Variants in ENOX2 observed in about 807,000 individuals in gnomAD.
The protein encoded by ENOX2 is ecto-NOX disulfide-thiol exchanger 2.
Under a neutral mutation model 45.0 loss-of-function variants are expected in ENOX2, and 36 were observed. The observed-to-expected ratio is 0.80, with a 90% CI of 0.61 to 1.06. The LOEUF is 1.06. ENOX2 is among the 50% of genes least tolerant of loss of function. The probability of loss-of-function intolerance (pLI) is 0.00; values close to 1 mark genes in which losing one functional copy is unlikely to be tolerated. For synonymous variants in ENOX2, 174 were observed against 152.3 expected, an observed-to-expected ratio of 1.14 and a Z score of -1.05; for missense variants, 423 against 462.5, an observed-to-expected ratio of 0.91 and a Z score of 0.78.
At chrX:130,671,006 G>A (rs770332977) in intron 6 of ENOX2, among the ~76,000 whole-genome samples, 22 of 111,482 alleles carry the variant, frequency 2.0e-4, no homozygotes, top group Non-Finnish European at 3.9e-4. Flanking sequence ...GCACAAGCTT[G>A]CAGGGTAGAA....
chrX:130,777,756 T>C (rs1225878805), intron 3 of ENOX2, among the ~76,000 whole-genome samples: 1 of 111,805 alleles, frequency 8.9e-6, no homozygotes, highest in Non-Finnish European at 1.9e-5. Context: ...TGCCCTCCCC[T>C]GGACAGTCCT....
chrX:130,801,832 C>CCATT (rs1387451002), intron 2 of ENOX2, among the ~76,000 whole-genome samples: 1 of 111,219 alleles, frequency 9.0e-6, no homozygotes, highest in Non-Finnish European at 1.9e-5. Context: ...ATCTCTCTAC[C>CCATT]CATTCATTCA....
chrX:130,848,245 A>G (rs2078147034), intron 2 of ENOX2, among the ~76,000 whole-genome samples: 2 of 111,539 alleles, frequency 1.8e-5, no homozygotes, highest in Non-Finnish European at 3.8e-5. Context: ...AAAAGATTGA[A>G]TTACAGATTC....
chrX:130,820,218 T>C (rs147348002), intron 2 of ENOX2, among the ~76,000 whole-genome samples: 1,624 of 112,364 alleles, frequency 0.014, 14 homozygotes, highest in Non-Finnish European at 0.02. Context: ...AGATGCTCAA[T>C]GTTACTAATT....
chrX:130,860,691 C>G (rs1477057401), intron 2 of ENOX2, among the ~76,000 whole-genome samples: 1 of 111,452 alleles, frequency 9.0e-6, no homozygotes, highest in Non-Finnish European at 1.9e-5. Flanking sequence ...TGAACAGTTT[C>G]CACCCTGCTT....
chrX:130,774,815 C>T (rs1209977561), intron 3 of ENOX2, among the ~76,000 whole-genome samples: 3 of 112,213 alleles, frequency 2.7e-5, no homozygotes, highest in Non-Finnish European at 5.6e-5. Context: ...ATAAATGTAA[C>T]ACATGTGTAC....
chrX:130,848,832 C>CA (rs1048909973), intron 2 of ENOX2, among the ~76,000 whole-genome samples: 35 of 108,645 alleles, frequency 3.2e-4, no homozygotes, highest in East Asian at 1.7e-3. Context: ...AAAAAAAAAC[C>CA]AAAAAAAAAC....
chrX:130,860,324 C>T (rs1470855876), intron 2 of ENOX2, among the ~76,000 whole-genome samples: 1 of 111,862 alleles, frequency 8.9e-6, no homozygotes, highest in African/African-American at 3.3e-5. Context: ...TGTCTTCACT[C>T]CCACGGATTT....
intron 4 of ENOX2, among the ~76,000 whole-genome samples, chrX:130,698,597 G>A (rs2037822371): frequency 9.0e-6 from 1 of 111,677 alleles, no homozygotes; most frequent in African/African-American, 3.2e-5. Context: ...CCTTTCTCAG[G>A]ATTGCAACTT....
chrX:130,813,705 G>C (rs2077430967), intron 2 of ENOX2, among the ~76,000 whole-genome samples: 1 of 111,723 alleles, frequency 9.0e-6, no homozygotes, highest in Admixed American at 9.4e-5. Flanking sequence ...CCATAAAACG[G>C]TGAATTCCGA....
chrX:130,638,072 T>TTC (rs2035978968), intron 10 of ENOX2, among the ~76,000 whole-genome samples: 1 of 107,524 alleles, frequency 9.3e-6, no homozygotes, highest in African/African-American at 3.4e-5. Context: ...CCTTCCTTTT[T>TTC]TTTTTTTCTT....
In ENOX2 at chrX:130,664,045, C is replaced by T. The variant is rs767699279; in HGVS notation, c.1014+1598G>A. Among the ~76,000 whole-genome samples, 182 of 111,879 alleles carry T rather than the reference C, an allele frequency of 1.6e-3. 1 individual carries two copies. Among genetic ancestry groups the T allele is most frequent in the African/African-American group, 5.5e-3 (168 of 30,800 alleles). ...TACAGTAAGATAATAGTTTCCTTTT[C>T]TCCCCTAATTCTTTAAAAAACAAGT... On this transcript the variant is annotated intron_variant, in intron 9 of 14. Transcript: ENST00000394363.
intron 2 of ENOX2, among the ~76,000 whole-genome samples, chrX:130,787,193 T>C (rs1038717858): frequency 2.7e-5 from 3 of 111,860 alleles, no homozygotes; most frequent in Non-Finnish European, 5.6e-5. Context: ...AGAAAAACTT[T>C]TTATTTTTGT....
chrX:130,890,648 T>C (rs1453981641), intron 2 of ENOX2, among the ~76,000 whole-genome samples: 1 of 112,808 alleles, frequency 8.9e-6, no homozygotes, highest in Non-Finnish European at 1.9e-5. Flanking sequence ...GTTTCATGTT[T>C]TCTGAATCAA....
intron 2 of ENOX2, among the ~76,000 whole-genome samples, chrX:130,867,600 T>C (rs890033569): frequency 1.8e-5 from 2 of 112,124 alleles, no homozygotes; most frequent in Non-Finnish European, 3.8e-5. Context: ...GTTAACATCA[T>C]GACTGGCCTC....
chrX:130,726,915 G>A (rs886676410), intron 3 of ENOX2, among the ~76,000 whole-genome samples: 8 of 112,213 alleles, frequency 7.1e-5, no homozygotes, highest in Non-Finnish European at 1.5e-4. Context: ...AGGGCCCCTG[G>A]GCTGAAGAGG....
intron 4 of ENOX2, among the ~76,000 whole-genome samples, chrX:130,694,975 G>C (rs1396781487): frequency 9.0e-6 from 1 of 111,502 alleles, no homozygotes; most frequent in Non-Finnish European, 1.9e-5. Context: ...ACAATCCTAA[G>C]GGATGGGAAA....
chrX:130,696,486 G>A (rs2148202914), intron 4 of ENOX2, among the ~76,000 whole-genome samples: 1 of 110,965 alleles, frequency 9.0e-6, no homozygotes, highest in South Asian at 3.8e-4. Flanking sequence ...AATAAGTGGG[G>A]AAAAAATAAA....
chrX:130,745,120 T>A (rs1421321400), intron 3 of ENOX2, among the ~76,000 whole-genome samples: 1 of 111,677 alleles, frequency 9.0e-6, no homozygotes, highest in Non-Finnish European at 1.9e-5. Flanking sequence ...GCTAGAAGAT[T>A]GAAGAGTATT....
Sources: allele counts gnomAD v4.1 joint callset (sites outside exome capture counted in the v4.1 genomes callset), GRCh38; gene constraint gnomAD v4.1.1; transcripts MANE v1.5; gene names NCBI Gene and HGNC (gene_info 2026-07-23, HGNC 2026-07-21).